The following AQP5 variants were observed in gnomAD, a reference collection of about 807,000 sequenced individuals.
AQP5 encodes the protein aquaporin-5.
In AQP5, 15 loss-of-function variants were observed where a neutral mutation model predicts 19.1. The ratio of observed to expected loss-of-function variants is 0.79; its 90% confidence interval spans 0.53 to 1.21. AQP5 has a LOEUF of 1.21. Ranked by LOEUF, AQP5 falls within the 50% of genes most tolerant of loss-of-function variation. The probability of loss-of-function intolerance (pLI) is 0.00; values close to 1 mark genes in which losing one functional copy is unlikely to be tolerated. For missense variants in AQP5, 355 were observed against 357.1 expected (o/e 0.99, Z 0.05); for synonymous variants, 182 against 160.3 (o/e 1.14, Z -1.02).
At chr12:49,964,746 G>T in intron 3 of AQP5, 1 of 985,336 alleles carries the variant, frequency 1.0e-6, no homozygotes, top group Non-Finnish European at 1.2e-6. Context: ...GAGGGAGCCT[G>T]TCCCTCTGGG....
chr12:49,964,587 T>TCTGC (rs1947467199), intron 3 of AQP5: 2 of 942,118 alleles, frequency 2.1e-6, no homozygotes, highest in Admixed American at 1.2e-4. Context: ...GGACAGTCTG[T>TCTGC]CTGCCCCCCC....
chr12:49,962,391 TGGG>T lies in AQP5; in HGVS notation c.363+19_363+21del, dbSNP rs3832811. 1,192,084 of 1,537,074 alleles carry T rather than the reference TGGG, an allele frequency of 0.78. 466,606 individuals are homozygous for T. Among genetic ancestry groups the T allele is most frequent in the Admixed American group, 0.82 (43,198 of 52,748 alleles). On this transcript the variant is annotated intron_variant, in intron 1 of 3. Transcript: ENST00000293599. ...CTGGCCGTCAACGCGGTGAGTGCCC[TGGG>T]GGGGGGGTGGGAGCCTCGACCCTGG... is the stretch of plus-strand genomic sequence containing the variant.
In AQP5 at chr12:49,964,078, CTG is replaced by C; in HGVS notation, c.529-12_529-11del. 1 of 1,611,030 alleles carries C rather than the reference CTG, an allele frequency of 6.2e-7. No individual in the cohort carries two copies. The highest frequency in any genetic ancestry group is 8.5e-7 in the Non-Finnish European group (1 of 1,177,108). ...GGATGTTGCCTTTCTCTCCACCGCC[CTG>C]TCTCTATCCAGATCTACTTCACTGG... On this transcript the variant is annotated splice_polypyrimidine_tract_variant and intron_variant, in intron 2 of 3. Transcript: ENST00000293599.
chr12:49,964,579 A>G (rs774476133), intron 3 of AQP5: 35 of 915,166 alleles, frequency 3.8e-5, no homozygotes, highest in Non-Finnish European at 4.5e-5. Context: ...GTCCCTGTGG[A>G]CAGTCTGTCT....
intron 3 of AQP5, among the ~76,000 whole-genome samples, chr12:49,964,460 C>A (rs1481491477): frequency 6.6e-6 from 1 of 152,080 alleles, no homozygotes; most frequent in African/African-American, 2.4e-5. Flanking sequence ...TGTGTCAATT[C>A]CCTTGAGGAT....
rs774852173 is a variant in AQP5, at chr12:49,962,396, G to T, written c.363+16G>T. Reference sequence around the variant, plus strand: ...CGTCAACGCGGTGAGTGCCCTGGGGGGGGGGTGGGAGCCTCGACCCTGGGG... The same window carrying T: ...CGTCAACGCGGTGAGTGCCCTGGGGTGGGGGTGGGAGCCTCGACCCTGGGG... On this transcript the variant is annotated intron_variant, in intron 1 of 3. Coordinates refer to ENST00000293599, the MANE Select transcript of AQP5 (RefSeq NM_001651.4). 4.1e-5 allele frequency: 61 copies of T among 1,470,784 alleles called. 1 individual carries two copies. The Admixed American group carries it at 5.2e-4, about 13-fold the overall frequency. 91.1% of individuals were successfully genotyped at this position (1,470,784 alleles called of 1,614,324 possible).
rs1947478156 is a variant in AQP5 at position 49,965,315 on chromosome 12, T to G, written c.*138T>G. On this transcript the variant is annotated 3_prime_UTR_variant, in exon 4 of 4. Transcript: ENST00000293599. ...GGAGCTGGTCACCCTGGCTGCACAG[T>G]TAGAGAGGGGAGAAGGAACCCATGA... 1 of 1,094,212 alleles carries G rather than the reference T, an allele frequency of 9.1e-7. No individual in the cohort carries two copies. Among genetic ancestry groups the G allele is most frequent in the Non-Finnish European group, 1.3e-6 (1 of 792,698 alleles). 67.8% of individuals were successfully genotyped at this position (1,094,212 alleles called of 1,614,324 possible). A position where few individuals can be genotyped will look rare whatever the true frequency, so the allele number is the denominator to read the frequency against.
At chr12:49,962,556 C>T in intron 1 of AQP5, 176 bp downstream of exon 1, 3 of 803,672 alleles carry the variant, frequency 3.7e-6, no homozygotes, top group Non-Finnish European at 3.5e-6. Context: ...TATGTGCTCC[C>T]TTCCTGCCCA....
At chr12:49,963,018 T>G (rs1416163354) in intron 1 of AQP5, 1 of 175,134 alleles carries the variant, frequency 5.7e-6, no homozygotes, top group Non-Finnish European at 1.2e-5. Flanking sequence ...CCCAACCCCA[T>G]GCAAACTGGG....
chr12:49,962,624 C>T, intron 1 of AQP5: 2 of 403,268 alleles, frequency 5.0e-6, no homozygotes, highest in Non-Finnish European at 8.6e-6. Context: ...ATGCCTGCTA[C>T]CCCTCCTCTC....
intron 2 of AQP5, 32 bp from the exon 3 acceptor site, chr12:49,964,060 G>A (rs1947459411): frequency 1.9e-6 from 3 of 1,583,938 alleles, no homozygotes; most frequent in East Asian, 2.2e-5. Context: ...CCAGGATGTT[G>A]CCTTTCTCTC....
chr12:49,964,071 C>T (rs1291606266), intron 2 of AQP5, 21 bp from the exon 3 acceptor site: 3 of 1,606,738 alleles, frequency 1.9e-6, no homozygotes, highest in Non-Finnish European at 2.6e-6. Context: ...CCTTTCTCTC[C>T]ACCGCCCTGT....
Position 49,961,957 on chromosome 12 carries a change from C to A in AQP5, c.-61C>A, listed in dbSNP as rs1191687333. The A allele has an allele frequency of 8.4e-7, 1 of 1,188,340 alleles. No individual in the cohort carries two copies. Among genetic ancestry groups the A allele is most frequent in the Non-Finnish European group, 1.1e-6 (1 of 934,608 alleles). 73.6% of individuals were successfully genotyped at this position (1,188,340 alleles called of 1,614,324 possible). Reference sequence around the variant, plus strand: ...CCCCCGCCGCATCCACCTCCTCCGCCGCCTGCGACCCAACGGGCGCCCCCC... The same window carrying A: ...CCCCCGCCGCATCCACCTCCTCCGCAGCCTGCGACCCAACGGGCGCCCCCC... On this transcript the variant is annotated 5_prime_UTR_variant, in exon 1 of 4. Transcript: ENST00000293599.
rs1947479741 is a variant in AQP5, at chr12:49,965,431, G to A, written c.*254G>A. 2 of 365,664 alleles carry A rather than the reference G, an allele frequency of 5.5e-6. No individual in the cohort carries two copies. Among genetic ancestry groups the A allele is most frequent in the Non-Finnish European group, 9.7e-6 (2 of 205,352 alleles). The allele number at this position is 365,664 out of a possible 1,614,324, so 22.7% of individuals were successfully genotyped here. A position where few individuals can be genotyped will look rare whatever the true frequency, so the allele number is the denominator to read the frequency against. ...TCAGAGATTGTGAATGCAGTGCCAA[G>A]CTCACAGGCTGCAAGGGCCAGGCCA... is the stretch of plus-strand genomic sequence containing the variant. On this transcript the variant is annotated 3_prime_UTR_variant, in exon 4 of 4. Coordinates refer to ENST00000293599, the MANE Select transcript of AQP5 (RefSeq NM_001651.4).
chr12:49,962,451 C>G, intron 1 of AQP5, 71 bp downstream of exon 1: 1 of 1,316,180 alleles, frequency 7.6e-7, no homozygotes, highest in East Asian at 2.5e-5. Flanking sequence ...CTTACCCCAC[C>G]TGGAAAAAAG....
At chr12:49,964,030 C>A in intron 2 of AQP5, 62 bp from the exon 3 acceptor site, 1 of 1,508,918 alleles carries the variant, frequency 6.6e-7, no homozygotes, top group Non-Finnish European at 9.2e-7. Flanking sequence ...TTGAGAGAGT[C>A]CAGATTCTGT....
chr12:49,962,495 A>T, intron 1 of AQP5, 115 bp downstream of exon 1: 1 of 1,014,498 alleles, frequency 9.9e-7, no homozygotes, highest in Non-Finnish European at 1.3e-6. Context: ...CACACCCTTC[A>T]CCAGGAAGGC....
chr12:49,964,970 A>ACTCCTGCCCTGT (rs753874596), intron 3 of AQP5, 22 bp from the exon 4 acceptor site: 1 of 1,602,836 alleles, frequency 6.2e-7, no homozygotes, highest in East Asian at 2.2e-5. Context: ...CAGCGCCCTG[A>ACTCCTGCCCTGT]CTCCTGCCCT....
In AQP5 at chr12:49,961,994, T is replaced by G; in HGVS notation, c.-24T>G. On this transcript the variant is annotated 5_prime_UTR_variant, in exon 1 of 4. Transcript: ENST00000293599. Reference sequence around the variant, plus strand: ...AACGGGCGCCCCCCGCCGCGGCAGCTGCCGCCGGGCCCCCGCGGCCACCAT... The same window carrying G: ...AACGGGCGCCCCCCGCCGCGGCAGCGGCCGCCGGGCCCCCGCGGCCACCAT... The G allele has an allele frequency of 7.5e-7, 1 of 1,340,276 alleles. No individual in the cohort carries two copies. Among genetic ancestry groups the G allele is most frequent in the East Asian group, 2.9e-5 (1 of 34,606 alleles). 83.0% of individuals were successfully genotyped at this position (1,340,276 alleles called of 1,614,324 possible).
Sources: allele counts gnomAD v4.1 joint callset (sites outside exome capture counted in the v4.1 genomes callset), GRCh38; gene constraint gnomAD v4.1.1; transcripts MANE v1.5; gene names NCBI Gene and HGNC (gene_info 2026-07-23, HGNC 2026-07-21).